ISCU: variants seen among roughly 807,000 people sequenced by gnomAD.
The protein encoded by ISCU is iron-sulfur cluster assembly enzyme ISCU.
A neutral mutation model predicts 18.4 loss-of-function variants in ISCU; 13 were observed. The observed-to-expected ratio is 0.71, with a 90% CI of 0.46 to 1.12. The LOEUF is 1.12. Among genes scored for constraint, ISCU ranks in the 50% most tolerant of loss-of-function variants. ISCU has a pLI of 0.00. For synonymous variants in ISCU, 104 were observed against 87.5 expected (o/e 1.19, Z -1.06); for missense variants, 229 against 208.7 (o/e 1.10, Z -0.60).
At chr12:108,564,472 A>G (rs1057243506) in intron 2 of ISCU, 80 bp downstream of exon 2, 9 of 945,500 alleles carry the variant, frequency 9.5e-6, no homozygotes, top group South Asian at 1.4e-5. Context: ...CTTGGTCTCC[A>G]TCTTTATTCC....
At position 108,562,698 on chromosome 12, in the gene ISCU, C is replaced by T; in HGVS notation, c.76C>T (p.Arg26Trp). Residue 26 changes from arginine to tryptophan, a missense_variant, in exon 1 of 5, where the codon CGG (arginine) becomes TGG (tryptophan). By Grantham distance (101) the Arg-to-Trp change is moderately radical. Coordinates refer to ENST00000311893, the MANE Select transcript of ISCU (RefSeq NM_213595.4). ...LLLRSPRLPA[R>W]ELSAPARLYH... ...GCTGCGGAGCCCCCGCCTGCCCGCC[C>T]GGGAGCTGTCGGCCCCGGCCCGACT... The T allele has an allele frequency of 6.7e-7, 1 of 1,485,640 alleles. No homozygotes were observed. The allele number at this position is 1,485,640 out of a possible 1,614,324, so 92.0% of individuals were successfully genotyped here.
chr12:108,568,805 G>C, intron 4 of ISCU, 26 bp from the exon 5 acceptor site: 1 of 1,605,214 alleles, frequency 6.2e-7, no homozygotes, highest in South Asian at 1.1e-5. Context: ...TAGAAACTTA[G>C]GCTTCTTTCC....
Position 108,569,216 on chromosome 12 carries a change from G to A in ISCU, c.*300G>A, listed in dbSNP as rs1209076909. 1.2e-5 allele frequency: 5 copies of A among 400,710 alleles called. No homozygotes were observed. The highest frequency in any genetic ancestry group is 2.3e-5 in the Non-Finnish European group (5 of 214,798). 24.8% of individuals were successfully genotyped at this position (400,710 alleles called of 1,614,324 possible). ...GTTGCAAGTTTTGATAGCCCGTGAA[G>A]TGCATAAGTATCTAATTTTACCTGA... On this transcript the variant is annotated 3_prime_UTR_variant, in exon 5 of 5. Coordinates refer to ENST00000311893, the MANE Select transcript of ISCU (RefSeq NM_213595.4).
intron 1 of ISCU, chr12:108,562,955 C>A: frequency 2.6e-6 from 1 of 384,502 alleles, no homozygotes; most frequent in Non-Finnish European, 4.6e-6. Flanking sequence ...CCGCTGGCCG[C>A]GACTTCGTGC....
intron 4 of ISCU, chr12:108,567,729 CTTCCTGTCTGGATGGTA>C (rs1271293835): frequency 6.5e-7 from 1 of 1,535,924 alleles, no homozygotes; most frequent in South Asian, 1.2e-5. Context: ...TATTTCTTCA[CTTCCTGTCTGGATGGTA>C]TTCCTGTCGG....
chr12:108,566,771 A>G (rs773633667), intron 3 of ISCU, among the ~76,000 whole-genome samples: 36 of 152,372 alleles, frequency 2.4e-4, no homozygotes, highest in Non-Finnish European at 4.6e-4. Flanking sequence ...CTCTGATGCC[A>G]TTCGGCACTT....
At chr12:108,568,059 C>CT in intron 4 of ISCU, 1 of 1,459,196 alleles carries the variant, frequency 6.9e-7, no homozygotes, top group Non-Finnish European at 9.0e-7. Flanking sequence ...GGCAGACACA[C>CT]TAACTCATTC....
intron 4 of ISCU, chr12:108,567,596 G>A (rs2030959912): frequency 9.6e-6 from 13 of 1,356,102 alleles, no homozygotes; most frequent in African/African-American, 5.8e-5. Context: ...GGGTTGAGAC[G>A]CCCACATCAC....
At chr12:108,565,553 G>A (rs1592791892) in intron 3 of ISCU, 122 bp downstream of exon 3, 3 of 712,136 alleles carry the variant, frequency 4.2e-6, no homozygotes, top group East Asian at 5.4e-5. Context: ...TTCAAATTGG[G>A]AATTATGGAT....
chr12:108,567,370 C>A, intron 4 of ISCU, 102 bp downstream of exon 4: 2 of 985,784 alleles, frequency 2.0e-6, no homozygotes, highest in Non-Finnish European at 3.2e-6. Context: ...GTTTGTAACC[C>A]TCAGAATTAG....
chr12:108,568,064 T>A (rs1175507907), intron 4 of ISCU: 13 of 1,455,338 alleles, frequency 8.9e-6, no homozygotes, highest in Non-Finnish European at 1.2e-5. Context: ...ACACACTAAC[T>A]CATTCTTCAG....
At chr12:108,562,531 T>A (rs556474711), upstream of ISCU, 6 of 690,852 alleles carry the variant, frequency 8.7e-6, no homozygotes, top group African/African-American at 9.3e-5. Context: ...TTCGGTGACG[T>A]CAGAGAGGCG....
In ISCU at chr12:108,562,834, C is replaced by G. The variant is rs2287556; in HGVS notation, c.114+98C>G. ...CTGCGCAGCTAGGACTGGGAGCTGT[C>G]CCCTCCCACGTCTTTGCCCTGACTC... On this transcript the variant is annotated intron_variant, in intron 1 of 4. Transcript: ENST00000311893. 476,137 of 596,542 alleles carry G rather than the reference C, an allele frequency of 0.8. 193,272 individuals carry two copies. Among genetic ancestry groups the G allele is most frequent in the East Asian group, 0.93 (26,674 of 28,742 alleles). 37.0% of individuals were successfully genotyped at this position (596,542 alleles called of 1,614,324 possible).
intron 4 of ISCU, 98 bp from the exon 5 acceptor site, chr12:108,568,733 C>T: frequency 6.5e-7 from 1 of 1,547,348 alleles, no homozygotes; most frequent in South Asian, 1.2e-5. Context: ...CATTAGTCCC[C>T]ACCAGCACCA....
chr12:108,565,413 A>G lies in ISCU; in HGVS notation c.321A>G (p.Glu107=). 1 of 1,612,514 alleles carries G rather than the reference A, an allele frequency of 6.2e-7. No homozygotes were observed. The highest frequency in any genetic ancestry group is 8.5e-7 in the Non-Finnish European group (1 of 1,178,462). ...TTGCCTCCAGCTCATTAGCCACTGA[A>G]TGGGTGAAAGGAAAGACGGTAAGGT... The part of the protein sequence containing the change: ...SAIASSSLAT[E]WVKGKTVEEA... The change falls in exon 3 of 5, where the codon GAA becomes GAG. Residue 107 remains glutamate (E), a synonymous_variant. Transcript: ENST00000311893.
intron 2 of ISCU, among the ~76,000 whole-genome samples, chr12:108,564,604 A>C (rs1258852406): frequency 6.6e-6 from 1 of 152,234 alleles, no homozygotes; most frequent in Non-Finnish European, 1.5e-5. Flanking sequence ...TACTATGCCA[A>C]CTTTTTCCAA....
Position 108,567,266 on chromosome 12 carries a change from C to T in ISCU, c.416C>T (p.Ser139Phe), listed in dbSNP as rs1565876473. The T allele has an allele frequency of 6.2e-7, 1 of 1,611,956 alleles. No individual in the cohort carries two copies. The highest frequency in any genetic ancestry group is 8.5e-7 in the Non-Finnish European group (1 of 1,178,048). Reference protein sequence around the residue: ...LCLPPVKLHCSMLAEDAIKAA... With the variant: ...LCLPPVKLHCFMLAEDAIKAA... ...CTTCCTCCCGTGAAACTGCACTGCT[C>T]CAGTAAGTCTCTGCTCTCCATACCA... is the stretch of plus-strand genomic sequence containing the variant. Residue 139 changes from serine (S) to phenylalanine (F), a missense_variant and splice_region_variant, in exon 4 of 5, where the codon TCC becomes TTC. Coordinates refer to ENST00000311893, the MANE Select transcript of ISCU (RefSeq NM_213595.4).
chr12:108,565,953 A>C (rs921987595), intron 3 of ISCU, among the ~76,000 whole-genome samples: 4 of 152,260 alleles, frequency 2.6e-5, no homozygotes, highest in African/African-American at 9.6e-5. Context: ...GGCAGAGATA[A>C]TAAAGAGCTA....
intron 3 of ISCU, among the ~76,000 whole-genome samples, chr12:108,566,558 A>G (rs2030907137): frequency 6.6e-6 from 1 of 152,210 alleles, no homozygotes; most frequent in African/African-American, 2.4e-5. Flanking sequence ...GGTTTTCTGT[A>G]AGGCAGTGGG....
Sources: gnomAD v4.1 joint callset for allele counts (sites outside exome capture counted in the v4.1 genomes callset) on GRCh38, gnomAD v4.1.1 for gene constraint, MANE v1.5 for transcripts, NCBI Gene and HGNC (gene_info 2026-07-23, HGNC 2026-07-21) for gene names.